Variants in FANCD2 observed in about 807,000 individuals in gnomAD.
FANCD2 encodes FA complementation group D2, also known as Fanconi anemia group D2 protein.
FANCD2 carries 131 observed loss-of-function variants against 192.3 expected under a neutral mutation model. That is an observed-to-expected ratio of 0.68 (90% CI 0.59 to 0.79). The LOEUF is 0.79. FANCD2 is among the 30% of genes least tolerant of loss of function. FANCD2 has a pLI of 0.00. For missense variants in FANCD2, 1,508 were observed against 1,701.6 expected, an observed-to-expected ratio of 0.89 and a Z score of 2.00; for synonymous variants, 524 against 612.5, an observed-to-expected ratio of 0.86 and a Z score of 2.13.
chr3:10,034,447 A>G, intron 3 of FANCD2, 22 bp from the exon 4 acceptor site: 1 of 1,592,538 alleles, frequency 6.3e-7, no homozygotes, highest in South Asian at 1.1e-5. Context: ...ACTGGTGACC[A>G]GCTCTTCTTT....
intron 26 of FANCD2, 96 bp from the exon 27 acceptor site, chr3:10,072,775 G>T: frequency 1.3e-6 from 1 of 762,466 alleles, no homozygotes; most frequent in East Asian, 2.6e-5. Context: ...TGGTAATTTT[G>T]GAAACTAGTT....
At chr3:10,054,737 C>T (rs976703590) in intron 18 of FANCD2, among the ~76,000 whole-genome samples, 2 of 151,186 alleles carry the variant, frequency 1.3e-5, no homozygotes, top group African/African-American at 2.4e-5. Flanking sequence ...CCAGCCTCGG[C>T]CTCCCAAAGT....
chr3:10,034,195 G>A (rs984678065), intron 3 of FANCD2, among the ~76,000 whole-genome samples: 16 of 143,436 alleles, frequency 1.1e-4, no homozygotes, highest in East Asian at 2.0e-4. Context: ...AAAAAAAAAC[G>A]TGTCTGTAGT....
At chr3:10,091,601 G>A (rs1419815506) in intron 37 of FANCD2, among the ~76,000 whole-genome samples, 1 of 151,914 alleles carries the variant, frequency 6.6e-6, no homozygotes, top group Non-Finnish European at 1.5e-5. Context: ...TCTCAAACAG[G>A]CTGGCTTACC....
intron 22 of FANCD2, 101 bp downstream of exon 22, chr3:10,064,530 G>A (rs1216213692): frequency 1.5e-6 from 2 of 1,304,154 alleles, no homozygotes; most frequent in African/African-American, 2.9e-5. Context: ...CTCAGCCACA[G>A]CTGCCCAGTC....
At position 10,065,395 on chromosome 3, in the gene FANCD2, T is replaced by C. The variant is rs201243424; in HGVS notation, c.2170T>C (p.Leu724=). The part of the protein sequence containing the change: ...PVTSQESGQK[L]VSPLCLAPYF... ...TAGAAATTTATTTCTCCTTCTCAGA[T>C]TGGTGTCTCCGCTGTGCCTGGCTCC... The change falls in exon 24 of 44, where the codon TTG becomes CTG. Residue 724 remains leucine, a splice_region_variant and synonymous_variant. Transcript: ENST00000675286. 1.9e-6 allele frequency: 3 copies of C among 1,607,214 alleles called. No individual in the cohort carries two copies. The highest frequency in any genetic ancestry group is 2.2e-5 in the South Asian group (2 of 90,922).
chr3:10,051,712 T>C lies in FANCD2; in HGVS notation c.1546-675T>C, dbSNP rs1251153093. ...TTGTAGGCTGAGAGAAAGGATTCAA[T>C]AGAGAGGAAGAAATGGAGATTTTTA... On this transcript the variant is annotated intron_variant, in intron 17 of 43. Transcript: ENST00000675286. 4.6e-5 allele frequency among the ~76,000 whole-genome samples: 7 copies of C among 152,128 alleles called. No homozygotes were observed. The East Asian group carries it at 1.3e-3, about 29-fold the overall frequency.
intron 26 of FANCD2, among the ~76,000 whole-genome samples, chr3:10,070,157 T>C (rs1447249246): frequency 7.1e-6 from 1 of 141,398 alleles, no homozygotes; most frequent in Admixed American, 7.0e-5. Flanking sequence ...GGCTGCCCCG[T>C]ATGAGAAGTG....
chr3:10,047,247 C>T (rs2087047331), intron 15 of FANCD2, among the ~76,000 whole-genome samples: 1 of 152,282 alleles, frequency 6.6e-6, no homozygotes, highest in African/African-American at 2.4e-5. Context: ...ATTATTTTAT[C>T]TTGCAGTTCT....
In FANCD2 at chr3:10,078,103, G is replaced by A. The variant is rs1249846855; in HGVS notation, c.2882G>A (p.Gly961Glu). 1.2e-6 allele frequency: 2 copies of A among 1,613,518 alleles called. No individual in the cohort carries two copies. Among genetic ancestry groups the A allele is most frequent in the Admixed American group, 1.7e-5 (1 of 60,008 alleles). Residue 961 changes from glycine to glutamate, a missense_variant, in exon 30 of 44, where the codon GGG becomes GAG. Coordinates refer to ENST00000675286, the MANE Select transcript of FANCD2 (RefSeq NM_001018115.3). The stretch of plus-strand genomic sequence containing the variant: ...CAGGCTACAGAAGTTGTGCAACTTG[G>A]GCCCCCTGAGCTGCTTTTCTTGCTG... ...HTEATEVVQL[G>E]PPELLFLLED...
intron 5 of FANCD2, 142 bp downstream of exon 5, chr3:10,034,940 A>C: frequency 1.3e-6 from 1 of 766,342 alleles, no homozygotes; most frequent in Non-Finnish European, 2.2e-6. Context: ...TAAGTTTAAA[A>C]TTCCTAAGCT....
chr3:10,042,972 T>A, intron 11 of FANCD2, 78 bp from the exon 12 acceptor site: 1 of 1,256,082 alleles, frequency 8.0e-7, no homozygotes, highest in Non-Finnish European at 1.2e-6. Context: ...TTCAGGAGAT[T>A]GTCATGGTAG....
chr3:10,049,770 C>A (rs1350567947), intron 17 of FANCD2, among the ~76,000 whole-genome samples: 1 of 152,156 alleles, frequency 6.6e-6, no homozygotes, highest in South Asian at 2.1e-4. Flanking sequence ...ATGGTGAATT[C>A]TCTGGTAAAG....
chr3:10,085,967 C>G, intron 33 of FANCD2, 45 bp downstream of exon 33: 2 of 1,341,784 alleles, frequency 1.5e-6, no homozygotes, highest in Non-Finnish European at 2.1e-6. Context: ...CAAGAAACTC[C>G]TAGGAACAGG....
chr3:10,034,535 A>G lies in FANCD2; in HGVS notation c.272A>G (p.Lys91Arg). ...QTLRRHPSYP[K>R]IIEEFVSGLE... ...CTGAGGAGACACCCTTCCTATCCCA[A>G]AGTATGTATTTTTCCCCTGGTATTT... The change falls in exon 4 of 44, where the codon AAA becomes AGA. Residue 91 changes from lysine (K) to arginine (R), a missense_variant and splice_region_variant. Coordinates refer to ENST00000675286, the MANE Select transcript of FANCD2 (RefSeq NM_001018115.3). 14 of 1,609,596 alleles carry G rather than the reference A, an allele frequency of 8.7e-6. No individual in the cohort carries two copies. The highest frequency in any genetic ancestry group is 1.2e-5 in the Non-Finnish European group (14 of 1,175,942).
chr3:10,038,909 G>T (rs185838244), intron 7 of FANCD2, among the ~76,000 whole-genome samples: 5 of 152,062 alleles, frequency 3.3e-5, no homozygotes, highest in Admixed American at 3.3e-4. Context: ...CACTTACTGC[G>T]TTGATGTTAT....
intron 9 of FANCD2, 59 bp downstream of exon 9, chr3:10,039,904 CA>C (rs757254800): frequency 1.9e-5 from 31 of 1,603,328 alleles, no homozygotes; most frequent in Middle Eastern, 1.8e-4. Context: ...TCTATCACTG[CA>C]GTATGCAAAG....
intron 5 of FANCD2, 50 bp downstream of exon 5, chr3:10,034,848 A>G (rs1559370674): frequency 4.5e-6 from 6 of 1,322,706 alleles, no homozygotes; most frequent in African/African-American, 1.5e-5. Flanking sequence ...TGTTTTGCCA[A>G]CTTCATGGGG....
At chr3:10,084,135 A>G (rs1247721386) in intron 32 of FANCD2, among the ~76,000 whole-genome samples, 3 of 151,616 alleles carry the variant, frequency 2.0e-5, no homozygotes, top group Admixed American at 2.0e-4. Flanking sequence ...CTGAGATTAC[A>G]TGCGCCTGCC....
Sources: allele counts gnomAD v4.1 joint callset (sites outside exome capture counted in the v4.1 genomes callset), GRCh38; gene constraint gnomAD v4.1.1; transcripts MANE v1.5; gene names NCBI Gene and HGNC (gene_info 2026-07-23, HGNC 2026-07-21).